NLGN1: variants seen among roughly 807,000 people sequenced by gnomAD.
NLGN1 encodes the protein neuroligin-1.
NLGN1 carries 12 observed loss-of-function variants against 65.5 expected under a neutral mutation model. The observed-to-expected ratio is 0.18, with a 90% CI of 0.12 to 0.30. NLGN1 has a LOEUF of 0.30. NLGN1 is among the 10% of genes least tolerant of loss of function. NLGN1 has a pLI of 1.00. For synonymous variants in NLGN1, 350 were observed against 359.5 expected (o/e 0.97, Z 0.30); for missense variants, 750 against 1,007.1 (o/e 0.74, Z 3.46).
Position 173,430,954 on chromosome 3 carries a change from T to TA in NLGN1, c.-389-4055dup, listed in dbSNP as rs1163701056. Among the ~76,000 whole-genome samples the TA allele has an allele frequency of 5.3e-5, 8 of 152,338 alleles. No individual in the cohort carries two copies. The East Asian group carries it at 1.5e-3, about 29-fold the overall frequency. On this transcript the variant is annotated intron_variant, in intron 1 of 6. Transcript: ENST00000457714. Reference sequence around the variant, plus strand: ...AAAGTACCCAGCCTCAGATATTTCTTACAGCAATACAAACAGATGAAGACA... The same window carrying TA: ...AAAGTACCCAGCCTCAGATATTTCTTAACAGCAATACAAACAGATGAAGACA...
chr3:174,238,315 T>C (rs1364916595), intron 4 of NLGN1, among the ~76,000 whole-genome samples: 3 of 135,808 alleles, frequency 2.2e-5, no homozygotes, highest in Non-Finnish European at 3.4e-5. Flanking sequence ...CTTTCTGTTT[T>C]TTCTTTTTTA....
intron 4 of NLGN1, among the ~76,000 whole-genome samples, chr3:173,819,334 A>G (rs936645797): frequency 6.6e-6 from 1 of 152,088 alleles, no homozygotes; most frequent in African/African-American, 2.4e-5. Context: ...CAAGAGCACC[A>G]GTTTTCTTTA....
At chr3:173,708,340 G>T (rs1768381871) in intron 3 of NLGN1, among the ~76,000 whole-genome samples, 3 of 152,142 alleles carry the variant, frequency 2.0e-5, no homozygotes, top group Non-Finnish European at 4.4e-5. Context: ...TGCCTGATCA[G>T]TTTCCTTTTC....
rs190642944 is a variant in NLGN1 at position 173,878,516 on chromosome 3, T to C, written c.646+70684T>C. 9.2e-5 allele frequency among the ~76,000 whole-genome samples: 14 copies of C among 152,002 alleles called. No individual in the cohort carries two copies. In the East Asian group the frequency reaches 2.5e-3, roughly 27 times the overall value. On this transcript the variant is annotated intron_variant, in intron 4 of 6. Transcript: ENST00000457714. ...TATCTTTTTGAAAAATTGGCTCGAT[T>C]ATCTCAGAAAAAATACTGCTATGAA... is the stretch of plus-strand genomic sequence containing the variant.
chr3:173,946,194 A>T (rs1747114126), intron 4 of NLGN1, among the ~76,000 whole-genome samples: 1 of 152,184 alleles, frequency 6.6e-6, no homozygotes, highest in Admixed American at 6.5e-5. Context: ...AGTGTGAAGG[A>T]TGTAATTCAC....
chr3:174,080,835 G>A (rs954420446), intron 4 of NLGN1, among the ~76,000 whole-genome samples: 3 of 151,346 alleles, frequency 2.0e-5, no homozygotes, highest in African/African-American at 7.3e-5. Context: ...CCTTTCCCTG[G>A]TGCTGGCTGA....
At chr3:173,552,069 C>T (rs887295101) in intron 2 of NLGN1, among the ~76,000 whole-genome samples, 1 of 152,142 alleles carries the variant, frequency 6.6e-6, no homozygotes, top group African/African-American at 2.4e-5. Flanking sequence ...AAATTACTTC[C>T]TCCATATTGA....
At chr3:174,045,753 C>A (rs1186204861) in intron 4 of NLGN1, among the ~76,000 whole-genome samples, 1 of 152,104 alleles carries the variant, frequency 6.6e-6, no homozygotes, top group Admixed American at 6.6e-5. Flanking sequence ...TGTTTTTATT[C>A]TTTACTCTAT....
intron 1 of NLGN1, among the ~76,000 whole-genome samples, chr3:173,424,290 C>T (rs1173633877): frequency 6.6e-6 from 1 of 152,200 alleles, no homozygotes; most frequent in African/African-American, 2.4e-5. Context: ...CTGACATGCC[C>T]TGGGGACATT....
intron 2 of NLGN1, among the ~76,000 whole-genome samples, chr3:173,502,673 GT>G (rs1731346663): frequency 6.6e-6 from 1 of 152,112 alleles, no homozygotes; most frequent in South Asian, 2.1e-4. Flanking sequence ...TACAAGACAT[GT>G]ATTAATAATT....
At chr3:174,002,519 AAC>A (rs1723502769) in intron 4 of NLGN1, among the ~76,000 whole-genome samples, 1 of 152,190 alleles carries the variant, frequency 6.6e-6, no homozygotes, top group Non-Finnish European at 1.5e-5. Context: ...CATATTTTTT[AAC>A]ACTTCCGGGA....
chr3:174,007,761 C>G (rs1046803288), intron 4 of NLGN1, among the ~76,000 whole-genome samples: 1 of 152,138 alleles, frequency 6.6e-6, no homozygotes, highest in Non-Finnish European at 1.5e-5. Context: ...TAGCAGGAGT[C>G]ATGTTTTATC....
At chr3:173,439,156 A>C (rs1718686151) in intron 2 of NLGN1, among the ~76,000 whole-genome samples, 2 of 152,210 alleles carry the variant, frequency 1.3e-5, no homozygotes, top group Non-Finnish European at 2.9e-5. Context: ...GTTTGTTTGC[A>C]CAAGGGAAGA....
chr3:173,588,698 A>G (rs1226572420), intron 2 of NLGN1, among the ~76,000 whole-genome samples: 2 of 152,226 alleles, frequency 1.3e-5, no homozygotes, highest in East Asian at 1.9e-4. Context: ...CACTGCTGCC[A>G]TTACTGCAGA....
chr3:173,653,240 C>T (rs915596393), intron 3 of NLGN1, among the ~76,000 whole-genome samples: 2 of 152,148 alleles, frequency 1.3e-5, no homozygotes, highest in Admixed American at 6.5e-5. Flanking sequence ...ATTTATTTCT[C>T]TTTCCTGATT....
In NLGN1 at chr3:173,779,115, A is replaced by T. The variant is rs73880576; in HGVS notation, c.494-28565A>T. Among the ~76,000 whole-genome samples the T allele has an allele frequency of 1.6e-4, 24 of 151,850 alleles. No homozygotes were observed. In the East Asian group the frequency reaches 2.7e-3, roughly 17 times the overall value. On this transcript the variant is annotated intron_variant, in intron 3 of 6. Transcript: ENST00000457714. ...ATTTTATATACAAATCTGTAGAAAT[A>T]AATAGTTGCTTTGCAGAAAAAATGG... is the stretch of plus-strand genomic sequence containing the variant.
At chr3:173,488,985 T>C (rs1728620231) in intron 2 of NLGN1, among the ~76,000 whole-genome samples, 1 of 151,948 alleles carries the variant, frequency 6.6e-6, no homozygotes. Flanking sequence ...ATTTCACTAA[T>C]ATCTCCTCAA....
chr3:174,027,749 T>C (rs1462215232), intron 4 of NLGN1, among the ~76,000 whole-genome samples: 1 of 152,164 alleles, frequency 6.6e-6, no homozygotes, highest in Non-Finnish European at 1.5e-5. Flanking sequence ...AATTATGAAA[T>C]TAAAGATGAG....
At chr3:174,042,768 C>T (rs1732641225) in intron 4 of NLGN1, among the ~76,000 whole-genome samples, 1 of 152,100 alleles carries the variant, frequency 6.6e-6, no homozygotes, top group African/African-American at 2.4e-5. Flanking sequence ...AACTAGGGCT[C>T]AGAGTGGTAG....
Sources: allele counts gnomAD v4.1 joint callset (sites outside exome capture counted in the v4.1 genomes callset), GRCh38; gene constraint gnomAD v4.1.1; transcripts MANE v1.5; gene names NCBI Gene and HGNC (gene_info 2026-07-23, HGNC 2026-07-21).